Variants in DOK6 observed in about 807,000 individuals in gnomAD.
DOK6 encodes the protein downstream of tyrosine kinase 6.
Under a neutral mutation model 44.0 loss-of-function variants are expected in DOK6, and 22 were observed. The ratio of observed to expected loss-of-function variants is 0.50; its 90% confidence interval spans 0.36 to 0.71. The LOEUF is 0.71. DOK6 is among the 30% of genes least tolerant of loss of function. The probability of loss-of-function intolerance (pLI) is 0.00; values close to 1 mark genes in which losing one functional copy is unlikely to be tolerated. For synonymous variants in DOK6, 166 were observed against 145.5 expected (o/e 1.14, Z -1.01); for missense variants, 340 against 416.4 (o/e 0.82, Z 1.60).
chr18:69,817,412 A>G (rs1300952143), intron 7 of DOK6, among the ~76,000 whole-genome samples: 2 of 152,190 alleles, frequency 1.3e-5, no homozygotes, highest in South Asian at 2.1e-4. Flanking sequence ...TCAGATTGTC[A>G]TAACAAAATA....
intron 1 of DOK6, among the ~76,000 whole-genome samples, chr18:69,486,493 A>G (rs1319110200): frequency 9.2e-5 from 14 of 152,186 alleles, no homozygotes; most frequent in Non-Finnish European, 2.1e-4. Flanking sequence ...TTCAACCTAG[A>G]CAATAAATCT....
chr18:69,477,752 G>A (rs779065318), intron 1 of DOK6, among the ~76,000 whole-genome samples: 2 of 152,100 alleles, frequency 1.3e-5, no homozygotes, highest in Non-Finnish European at 2.9e-5. Flanking sequence ...TTTCCTGCAT[G>A]ATCAATATTC....
At chr18:69,775,545 A>G (rs1980035877) in intron 7 of DOK6, among the ~76,000 whole-genome samples, 1 of 151,972 alleles carries the variant, frequency 6.6e-6, no homozygotes, top group African/African-American at 2.4e-5. Context: ...AAAAGATTAT[A>G]AATACATCTA....
At chr18:69,691,841 C>T (rs1442655610) in intron 4 of DOK6, among the ~76,000 whole-genome samples, 1 of 152,074 alleles carries the variant, frequency 6.6e-6, no homozygotes, top group Non-Finnish European at 1.5e-5. Context: ...GTAATAGGCT[C>T]CATGTCTAAT....
intron 7 of DOK6, among the ~76,000 whole-genome samples, chr18:69,828,995 T>C (rs1020886958): frequency 2.7e-5 from 4 of 149,186 alleles, no homozygotes; most frequent in African/African-American, 4.9e-5. Context: ...TTTAATTCTG[T>C]AAATCTCAAA....
chr18:69,762,145 GCATGCATACATACATACATA>G (rs1241057868), intron 7 of DOK6, among the ~76,000 whole-genome samples: 25 of 108,970 alleles, frequency 2.3e-4, no homozygotes, highest in Non-Finnish European at 1.4e-4. Flanking sequence ...CTCCATCTCT[GCATGCATACATACATACATA>G]CATACATACA....
chr18:69,557,219 GT>G (rs1000787072), intron 1 of DOK6, among the ~76,000 whole-genome samples: 3 of 152,132 alleles, frequency 2.0e-5, no homozygotes, highest in African/African-American at 4.8e-5. Flanking sequence ...TGACTCTCAG[GT>G]TTGACAACTT....
intron 4 of DOK6, among the ~76,000 whole-genome samples, chr18:69,683,727 T>C (rs1267287638): frequency 6.6e-6 from 1 of 152,238 alleles, no homozygotes; most frequent in African/African-American, 2.4e-5. Flanking sequence ...TATGAGATGA[T>C]ATATTACTGT....
At chr18:69,728,950 A>G (rs1978328286) in intron 5 of DOK6, among the ~76,000 whole-genome samples, 4 of 152,320 alleles carry the variant, frequency 2.6e-5, no homozygotes, top group African/African-American at 9.6e-5. Context: ...CAGCCCCTGC[A>G]GTGCATCCCA....
Position 69,825,011 on chromosome 18 carries a change from C to T in DOK6, c.857-16233C>T, listed in dbSNP as rs867507442. ...AGTGTTACTTAATGCTTATCTACTT[C>T]CTTATTTCTCAAGGTCTTTGTAATT... On this transcript the variant is annotated intron_variant, in intron 7 of 7. Coordinates refer to ENST00000382713, the MANE Select transcript of DOK6 (RefSeq NM_152721.6). 8.7e-4 allele frequency among the ~76,000 whole-genome samples: 132 copies of T among 152,290 alleles called. No homozygotes were observed. The Middle Eastern group carries it at 0.014, about 16-fold the overall frequency.
chr18:69,677,959 A>G, intron 4 of DOK6, 106 bp downstream of exon 4: 9 of 1,444,618 alleles, frequency 6.2e-6, no homozygotes, highest in Non-Finnish European at 8.2e-6. Context: ...TATTTTTTAA[A>G]TCAAAAAGGC....
intron 1 of DOK6, among the ~76,000 whole-genome samples, chr18:69,545,276 G>C (rs564450873): frequency 7.3e-5 from 11 of 150,708 alleles, no homozygotes; most frequent in African/African-American, 2.7e-4. Context: ...TTCCAGTGTT[G>C]TGATTGTTTC....
chr18:69,760,392 A>C (rs1305969974), intron 7 of DOK6, among the ~76,000 whole-genome samples: 1 of 152,018 alleles, frequency 6.6e-6, no homozygotes, highest in Non-Finnish European at 1.5e-5. Context: ...GCACTTTGAG[A>C]GTTTGATTTT....
At chr18:69,706,862 A>T (rs1005985290) in intron 5 of DOK6, among the ~76,000 whole-genome samples, 6 of 151,474 alleles carry the variant, frequency 4.0e-5, no homozygotes, top group Non-Finnish European at 5.9e-5. Context: ...AAGGACATGA[A>T]CTCATCATTT....
chr18:69,777,884 T>G (rs1204029171), intron 7 of DOK6: 1 of 151,430 alleles, frequency 6.6e-6, no homozygotes, highest in African/African-American at 2.4e-5. Context: ...TATCTGTACA[T>G]CCAGGAAATC....
At chr18:69,407,797 G>T (rs1568247628) in intron 1 of DOK6, among the ~76,000 whole-genome samples, 1 of 152,088 alleles carries the variant, frequency 6.6e-6, no homozygotes, top group African/African-American at 2.4e-5. Flanking sequence ...TATTTTGTCT[G>T]CCATTTTCCT....
At chr18:69,825,534 T>C (rs1368551412) in intron 7 of DOK6, among the ~76,000 whole-genome samples, 1 of 146,812 alleles carries the variant, frequency 6.8e-6, no homozygotes, top group African/African-American at 2.5e-5. Context: ...CTCCTGGGCA[T>C]GCTATTCTCC....
At chr18:69,543,033 A>G (rs1982309887) in intron 1 of DOK6, among the ~76,000 whole-genome samples, 1 of 151,668 alleles carries the variant, frequency 6.6e-6, no homozygotes, top group African/African-American at 2.4e-5. Flanking sequence ...ACAAAAATCT[A>G]TTGATAACTA....
chr18:69,688,587 A>T (rs766939236), intron 4 of DOK6, among the ~76,000 whole-genome samples: 4 of 152,096 alleles, frequency 2.6e-5, no homozygotes, highest in Non-Finnish European at 4.4e-5. Context: ...CAGTGGTGCA[A>T]TCTCGGCTCA....
Sources: gnomAD v4.1 joint callset for allele counts (sites outside exome capture counted in the v4.1 genomes callset) on GRCh38, gnomAD v4.1.1 for gene constraint, MANE v1.5 for transcripts, NCBI Gene and HGNC (gene_info 2026-07-23, HGNC 2026-07-21) for gene names.